GSE1: variants seen among roughly 807,000 people sequenced by gnomAD.
The protein encoded by GSE1 is genetic suppressor element 1.
Under a neutral mutation model 112.6 loss-of-function variants are expected in GSE1, and 32 were observed. That is an observed-to-expected ratio of 0.28 (90% CI 0.21 to 0.38). GSE1 has a LOEUF of 0.38. Among genes scored for constraint, GSE1 ranks in the 10% least tolerant of loss-of-function variants. The probability of loss-of-function intolerance (pLI) is 1.00; values close to 1 mark genes in which losing one functional copy is unlikely to be tolerated. For missense variants in GSE1, 2,348 were observed against 1,699.2 expected (o/e 1.38, Z -6.71); for synonymous variants, 1,115 against 735.6 (o/e 1.52, Z -8.35).
chr16:85,324,509 C>CAA (rs58493568), intron 1 of GSE1, among the ~76,000 whole-genome samples: 54 of 98,092 alleles, frequency 5.5e-4, no homozygotes, highest in East Asian at 9.2e-4. Context: ...GACTCCCTCT[C>CAA]AAAAAAAAAA....
At chr16:85,480,748 C>A (rs1277011345) in intron 2 of GSE1, among the ~76,000 whole-genome samples, 1 of 151,928 alleles carries the variant, frequency 6.6e-6, no homozygotes, top group East Asian at 1.9e-4. Context: ...GGGTGGCCAG[C>A]ACTGTCGGTC....
At chr16:85,268,706 C>A (rs570580213) in intron 1 of GSE1, among the ~76,000 whole-genome samples, 2 of 152,208 alleles carry the variant, frequency 1.3e-5, no homozygotes, top group Non-Finnish European at 2.9e-5. Flanking sequence ...CCTGCCAGCA[C>A]AGCCTCAGCA....
chr16:85,453,199 G>T (rs2049733775), intron 2 of GSE1, among the ~76,000 whole-genome samples: 1 of 152,164 alleles, frequency 6.6e-6, no homozygotes, highest in Admixed American at 6.5e-5. Flanking sequence ...ACATTGGCAC[G>T]GCTGATGGGG....
At chr16:85,192,579 T>C (rs1447270910) in intron 1 of GSE1, among the ~76,000 whole-genome samples, 1 of 152,210 alleles carries the variant, frequency 6.6e-6, no homozygotes, top group Non-Finnish European at 1.5e-5. Flanking sequence ...TCTGTGCTTC[T>C]GCTGCCTCCA....
At chr16:85,185,404 T>A (rs952358130) in intron 1 of GSE1, 1 of 152,342 alleles carries the variant, frequency 6.6e-6, no homozygotes, top group Non-Finnish European at 1.5e-5. Context: ...GATTGCCAGG[T>A]GGCCAGAGCT....
At position 85,235,578 on chromosome 16, in the gene GSE1, G is replaced by C. The variant is rs1301982314; in HGVS notation, c.2283+63771G>C. ...GGGACTATATGTGTGTGTGTGGGTG[G>C]GGGGGGGGCGCGTGTTCTCGCCCCT... is the stretch of plus-strand genomic sequence containing the variant. On this transcript the variant is annotated intron_variant, in intron 1 of 2. Coordinates refer to the GSE1 transcript ENST00000637419. Among the ~76,000 whole-genome samples the C allele has an allele frequency of 4.9e-4, 10 of 20,460 alleles. 1 individual carries two copies. Among genetic ancestry groups the C allele is most frequent in the African/African-American group, 1.9e-3 (9 of 4,684 alleles). The allele number at this position is 20,460 out of a possible 152,430, so 13.4% of individuals were successfully genotyped here.
chr16:85,572,828 A>G (rs574750812), intron 1 of GSE1, among the ~76,000 whole-genome samples: 4 of 152,270 alleles, frequency 2.6e-5, no homozygotes, highest in East Asian at 3.9e-4. Flanking sequence ...AGGAAGGCCC[A>G]CTTTGGAGAA....
intron 2 of GSE1, among the ~76,000 whole-genome samples, chr16:85,480,517 A>G (rs77628635): frequency 9.9e-4 from 151 of 152,282 alleles, no homozygotes; most frequent in African/African-American, 3.5e-3. Flanking sequence ...CAGCTGCTGA[A>G]GGGACACCCG....
At chr16:85,242,912 A>T (rs1313010608) in intron 1 of GSE1, among the ~76,000 whole-genome samples, 1 of 152,140 alleles carries the variant, frequency 6.6e-6, no homozygotes, top group Non-Finnish European at 1.5e-5. Flanking sequence ...CTCGGGCTCA[A>T]GTGATCCTCC....
intron 1 of GSE1, among the ~76,000 whole-genome samples, chr16:85,340,680 C>T (rs576887520): frequency 2.6e-5 from 4 of 152,300 alleles, no homozygotes; most frequent in South Asian, 4.1e-4. Flanking sequence ...GTGAGCTGTT[C>T]GGGACCAGCT....
At chr16:85,367,806 T>C (rs1402413243) in intron 2 of GSE1, among the ~76,000 whole-genome samples, 1 of 151,444 alleles carries the variant, frequency 6.6e-6, no homozygotes, top group South Asian at 2.1e-4. Flanking sequence ...CTGGGAGACA[T>C]GACCAGGGGA....
intron 6 of GSE1, 92 bp downstream of exon 6, chr16:85,656,009 C>G (rs2051895054): frequency 1.0e-6 from 1 of 1,004,272 alleles, no homozygotes; most frequent in Non-Finnish European, 1.5e-6. Context: ...TGACTGGACT[C>G]CTTGGCCATG....
chr16:85,455,741 C>T (rs1375409780), intron 2 of GSE1, among the ~76,000 whole-genome samples: 1 of 152,244 alleles, frequency 6.6e-6, no homozygotes, highest in African/African-American at 2.4e-5. Context: ...GAGTTCTGCT[C>T]TCAGTTTCTG....
chr16:85,409,877 T>C lies in GSE1; in HGVS notation c.2464+52234T>C, dbSNP rs189850599. Among the ~76,000 whole-genome samples the C allele has an allele frequency of 4.1e-3, 10 of 2,424 alleles. 2 individuals carry two copies. Among genetic ancestry groups the C allele is most frequent in the Non-Finnish European group, 8.5e-3 (8 of 942 alleles). 1.6% of individuals were successfully genotyped at this position (2,424 alleles called of 152,430 possible). A position where few individuals can be genotyped will look rare whatever the true frequency, so the allele number is the denominator to read the frequency against. On this transcript the variant is annotated intron_variant, in intron 2 of 2. Coordinates refer to the GSE1 transcript ENST00000637419. ...CCTCACTGTTACACTCAGGGCCCCC[T>C]GGATAATCCTCACTGTTACTCTCAG...
chr16:85,510,525 G>A (rs895859474), intron 2 of GSE1, among the ~76,000 whole-genome samples: 2 of 152,202 alleles, frequency 1.3e-5, no homozygotes. Context: ...CTGTGTGTGT[G>A]AGAACAGGCC....
chr16:85,423,525 C>T (rs2048899355), intron 2 of GSE1, among the ~76,000 whole-genome samples: 1 of 152,150 alleles, frequency 6.6e-6, no homozygotes, highest in African/African-American at 2.4e-5. Flanking sequence ...GGCCTCAACA[C>T]AGGCTGGGGG....
chr16:85,517,742 T>C (rs1453533333), intron 2 of GSE1, among the ~76,000 whole-genome samples: 1 of 152,088 alleles, frequency 6.6e-6, no homozygotes, highest in Non-Finnish European at 1.5e-5. Context: ...CTTCGGAGAG[T>C]GACATTTACA....
At chr16:85,499,168 G>A (rs2051278575) in intron 2 of GSE1, among the ~76,000 whole-genome samples, 1 of 152,142 alleles carries the variant, frequency 6.6e-6, no homozygotes, top group African/African-American at 2.4e-5. Context: ...GACACTCCTG[G>A]GAGTGGCTTC....
In GSE1 at chr16:85,653,403, G is replaced by A. The variant is rs572360984; in HGVS notation, c.427-875G>A. 7.5e-5 allele frequency among the ~76,000 whole-genome samples: 11 copies of A among 146,626 alleles called. No individual in the cohort carries two copies. In the East Asian group the frequency reaches 2.1e-3, roughly 28 times the overall value. ...TCTCCGGGCTGGACCCTGCGTGTGT[G>A]CGGGGCAGCCTCTGCGTGGCTAGGG... On this transcript the variant is annotated intron_variant, in intron 3 of 15. Coordinates refer to ENST00000253458, the MANE Select transcript of GSE1 (RefSeq NM_014615.5).
Sources: gnomAD v4.1 joint callset for allele counts (sites outside exome capture counted in the v4.1 genomes callset) on GRCh38, gnomAD v4.1.1 for gene constraint, MANE v1.5 for transcripts, NCBI Gene and HGNC (gene_info 2026-07-23, HGNC 2026-07-21) for gene names.